Variants in LANCL2 observed in about 807,000 individuals in gnomAD.
LANCL2 encodes LanC like glutathione S-transferase 2.
Under a neutral mutation model 56.9 loss-of-function variants are expected in LANCL2, and 33 were observed. The observed-to-expected ratio is 0.58, with a 90% CI of 0.44 to 0.78. LANCL2 has a LOEUF of 0.78. LANCL2 is among the 30% of genes least tolerant of loss of function. LANCL2 has a pLI of 0.00. For missense variants in LANCL2, 562 were observed against 580.2 expected, an observed-to-expected ratio of 0.97 and a Z score of 0.32; for synonymous variants, 233 against 228.2, an observed-to-expected ratio of 1.02 and a Z score of -0.19.
intron 1 of LANCL2, among the ~76,000 whole-genome samples, chr7:55,382,341 C>T (rs1237456942): frequency 6.6e-6 from 1 of 151,962 alleles, no homozygotes; most frequent in East Asian, 1.9e-4. Flanking sequence ...CTGATAAATA[C>T]AATATATGGC....
intron 6 of LANCL2, among the ~76,000 whole-genome samples, chr7:55,424,061 A>C (rs1790636642): frequency 6.6e-6 from 1 of 152,148 alleles, no homozygotes; most frequent in Non-Finnish European, 1.5e-5. Context: ...TCACAAGTAG[A>C]GGGACCTGAC....
chr7:55,383,814 GCAAGA>G (rs1419867972), intron 1 of LANCL2, among the ~76,000 whole-genome samples: 1 of 151,474 alleles, frequency 6.6e-6, no homozygotes, highest in African/African-American at 2.4e-5. Context: ...TCCATACTGG[GCAAGA>G]GAGTGAGACT....
intron 5 of LANCL2, 84 bp downstream of exon 5, chr7:55,401,404 C>A: frequency 7.9e-7 from 1 of 1,260,976 alleles, no homozygotes; most frequent in Non-Finnish European, 1.1e-6. Flanking sequence ...ACAAAGCAGT[C>A]TGGATTGAAA....
chr7:55,399,755 T>C (rs562384719), intron 3 of LANCL2, among the ~76,000 whole-genome samples: 30 of 152,230 alleles, frequency 2.0e-4, no homozygotes, highest in Non-Finnish European at 4.0e-4. Context: ...GAAAGATGTT[T>C]TGTTTTTAAT....
intron 1 of LANCL2, among the ~76,000 whole-genome samples, chr7:55,391,308 G>A (rs570182485): frequency 3.9e-5 from 6 of 152,064 alleles, no homozygotes; most frequent in Non-Finnish European, 5.9e-5. Context: ...GTGAGCCACC[G>A]CGCCCGGCCT....
intron 2 of LANCL2, among the ~76,000 whole-genome samples, chr7:55,393,365 C>G (rs1270002390): frequency 6.6e-6 from 1 of 152,132 alleles, no homozygotes; most frequent in Non-Finnish European, 1.5e-5. Flanking sequence ...AAACCTGTCT[C>G]TACTAAAAAT....
intron 8 of LANCL2, among the ~76,000 whole-genome samples, chr7:55,429,374 T>C (rs1203642027): frequency 1.3e-5 from 2 of 152,236 alleles, no homozygotes; most frequent in Non-Finnish European, 2.9e-5. Context: ...GTTCAAGTTA[T>C]CTATTTCATA....
Position 55,401,238 on chromosome 7 carries a change from G to A in LANCL2, c.743G>A (p.Cys248Tyr). 2 of 1,614,122 alleles carry A rather than the reference G, an allele frequency of 1.2e-6. No individual in the cohort carries two copies. Among genetic ancestry groups the A allele is most frequent in the South Asian group, 1.1e-5 (1 of 91,090 alleles). Residue 248 changes from cysteine to tyrosine, a missense_variant, in exon 5 of 9, where the codon TGC becomes TAC. Physicochemically the swap from Cys to Tyr is radical, Grantham distance 194. Around this residue, in one of 2 missense-constraint regions of LANCL2, gnomAD observed 378 missense variants for 468.4 expected, o/e 0.81. Coordinates refer to ENST00000254770, the MANE Select transcript of LANCL2 (RefSeq NM_018697.4). ...AGGGAAGAAAGAAAAACGGAGCGCT[G>A]CCCGCTGTTGTACCAGTGGCACCGG... ...LSREERKTER[C>Y]PLLYQWHRKQ... is the part of the protein sequence containing the mutation.
chr7:55,393,858 G>C lies in LANCL2; in HGVS notation c.322+1948G>C, dbSNP rs557079606. Reference sequence around the variant, plus strand: ...AGATATCTTAAATGTAATAAAATTAGATAATTGTGGCTAACCTGAAGTAAA... The same window carrying C: ...AGATATCTTAAATGTAATAAAATTACATAATTGTGGCTAACCTGAAGTAAA... On this transcript the variant is annotated intron_variant, in intron 2 of 8. Transcript: ENST00000254770. Among the ~76,000 whole-genome samples, 39 of 152,276 alleles carry C rather than the reference G, an allele frequency of 2.6e-4. No homozygotes were observed. The South Asian group carries it at 7.9e-3, about 31-fold the overall frequency.
At chr7:55,406,449 C>T (rs1282147939) in intron 5 of LANCL2, among the ~76,000 whole-genome samples, 1 of 152,164 alleles carries the variant, frequency 6.6e-6, no homozygotes, top group East Asian at 1.9e-4. Flanking sequence ...CTGGTTCCCG[C>T]TTAGCCCTTA....
intron 3 of LANCL2, among the ~76,000 whole-genome samples, chr7:55,398,840 T>C (rs1191142033): frequency 6.6e-6 from 1 of 152,204 alleles, no homozygotes. Flanking sequence ...ATAAATATAT[T>C]TCCTTATTTT....
At position 55,432,661 on chromosome 7, in the gene LANCL2, C is replaced by T. The variant is rs966388955; in HGVS notation, c.*1341C>T. On this transcript the variant is annotated 3_prime_UTR_variant, in exon 9 of 9. Coordinates refer to ENST00000254770, the MANE Select transcript of LANCL2 (RefSeq NM_018697.4). ...GCATTTCCCAGCCCCAGTGTCCACACCTCTCAGAAAAGAGAAAAAAGAATG... is the reference window on the plus strand; with the variant it reads ...GCATTTCCCAGCCCCAGTGTCCACATCTCTCAGAAAAGAGAAAAAAGAATG... 6.6e-6 allele frequency: 1 copy of T among 152,144 alleles called. No homozygotes were observed. The highest frequency in any genetic ancestry group is 2.4e-5 in the African/African-American group (1 of 41,398). 9.4% of individuals were successfully genotyped at this position (152,144 alleles called of 1,614,324 possible).
intron 6 of LANCL2, among the ~76,000 whole-genome samples, chr7:55,421,346 T>TTG (rs1442725044): frequency 6.8e-6 from 1 of 147,728 alleles, no homozygotes; most frequent in Non-Finnish European, 1.5e-5. Context: ...ACTCTTTTTT[T>TTG]TTTTTTTTTT....
Position 55,425,402 on chromosome 7 carries a change from A to T in LANCL2, c.1157A>T (p.Asp386Val). The T allele has an allele frequency of 1.2e-6, 2 of 1,614,106 alleles. No homozygotes were observed. Among genetic ancestry groups the T allele is most frequent in the Non-Finnish European group, 1.7e-6 (2 of 1,179,996 alleles). The change falls in exon 7 of 9, where the codon GAT becomes GTT. Residue 386 changes from aspartate to valine, a missense_variant. This residue lies in a region of LANCL2 where 378 missense variants were observed against 468.4 expected (regional missense o/e 0.81). Coordinates refer to ENST00000254770, the MANE Select transcript of LANCL2 (RefSeq NM_018697.4). ...CTGTCCCTTTACCGTCTCACGCAGG[A>T]TAAGAAGTACCTCTACCGAGCTTGC... ...SFLSLYRLTQ[D>V]KKYLYRACKF...
Position 55,365,832 on chromosome 7 carries a change from G to A in LANCL2, c.-194G>A. 1 of 455,000 alleles carries A rather than the reference G, an allele frequency of 2.2e-6. No homozygotes were observed. Among genetic ancestry groups the A allele is most frequent in the South Asian group, 4.2e-5 (1 of 23,718 alleles). The allele number at this position is 455,000 out of a possible 1,614,324, so 28.2% of individuals were successfully genotyped here. A position where few individuals can be genotyped will look rare whatever the true frequency, so the allele number is the denominator to read the frequency against. On this transcript the variant is annotated 5_prime_UTR_variant, in exon 1 of 9. Coordinates refer to ENST00000254770, the MANE Select transcript of LANCL2 (RefSeq NM_018697.4). ...CAGAGGCACAGCGCCCACCGCCTCT[G>A]CGGCCGCCTGATGTGCGAGCAGCCC...
At chr7:55,367,445 C>A (rs1478590601) in intron 1 of LANCL2, among the ~76,000 whole-genome samples, 1 of 152,244 alleles carries the variant, frequency 6.6e-6, no homozygotes, top group Non-Finnish European at 1.5e-5. Flanking sequence ...TCGAAACAGG[C>A]CGGGCGCGGT....
intron 1 of LANCL2, among the ~76,000 whole-genome samples, chr7:55,382,844 C>A (rs1369215500): frequency 6.6e-6 from 1 of 152,204 alleles, no homozygotes; most frequent in African/African-American, 2.4e-5. Context: ...GACTCCTACA[C>A]CATAATTTCT....
At chr7:55,409,758 G>T (rs925771555) in intron 5 of LANCL2, among the ~76,000 whole-genome samples, 1 of 152,172 alleles carries the variant, frequency 6.6e-6, no homozygotes, top group African/African-American at 2.4e-5. Flanking sequence ...AAATCTTATC[G>T]AGAGACTTTT....
chr7:55,384,476 T>C (rs1026579006), intron 1 of LANCL2, among the ~76,000 whole-genome samples: 2 of 151,920 alleles, frequency 1.3e-5, no homozygotes, highest in Non-Finnish European at 2.9e-5. Context: ...GGCGTGAACC[T>C]GGGAGGCGGA....
Sources: gnomAD v4.1 joint callset for allele counts (sites outside exome capture counted in the v4.1 genomes callset) on GRCh38, gnomAD v4.1.1 for gene constraint, gnomAD v4.1.1 regional missense constraint, MANE v1.5 for transcripts, NCBI Gene and HGNC (gene_info 2026-07-23, HGNC 2026-07-21) for gene names.